DLGAP1: variants seen among roughly 807,000 people sequenced by gnomAD.
DLGAP1 encodes DLG associated protein 1, also known as disks large-associated protein 1.
In DLGAP1, 11 loss-of-function variants were observed where a neutral mutation model predicts 90.8. That is an observed-to-expected ratio of 0.12 (90% CI 0.08 to 0.20). The LOEUF is 0.20. Among genes scored for constraint, DLGAP1 ranks in the 10% least tolerant of loss-of-function variants. The pLI is 1.00. For synonymous variants in DLGAP1, 558 were observed against 540.7 expected (o/e 1.03, Z -0.44); for missense variants, 1,050 against 1,333.8 (o/e 0.79, Z 3.31).
intron 7 of DLGAP1, among the ~76,000 whole-genome samples, chr18:3,701,202 C>T (rs2061268637): frequency 6.6e-6 from 1 of 152,084 alleles, no homozygotes; most frequent in African/African-American, 2.4e-5. Context: ...TTTAAGTGTA[C>T]TAATGATCTC....
intron 1 of DLGAP1, among the ~76,000 whole-genome samples, chr18:4,316,796 C>G (rs1461086357): frequency 1.3e-5 from 2 of 152,136 alleles, no homozygotes; most frequent in Non-Finnish European, 2.9e-5. Flanking sequence ...TTCCTGAGTC[C>G]GGTTACTGAC....
intron 7 of DLGAP1, among the ~76,000 whole-genome samples, chr18:3,611,527 C>T (rs761346932): frequency 1.3e-5 from 2 of 152,144 alleles, no homozygotes; most frequent in East Asian, 1.9e-4. Flanking sequence ...CAAGGCCCCA[C>T]GAAGTCTTTC....
rs937186010 is a variant in DLGAP1, at chr18:3,727,682, T to A, written c.1591+1453A>T. The A allele has an allele frequency of 6.6e-6, 1 of 152,214 alleles. No individual in the cohort carries two copies. The highest frequency in any genetic ancestry group is 1.5e-5 in the Non-Finnish European group (1 of 68,036). The allele number at this position is 152,214 out of a possible 1,614,324, so 9.4% of individuals were successfully genotyped here. ...TTCCAAATCACACTTACTGCATGAA[T>A]GCAAACACATACAAACATGCTCATG... On this transcript the variant is annotated intron_variant, in intron 7 of 12. Transcript: ENST00000315677. This position sits in a 1 kb window ranked among gnomAD's most constrained non-coding sequence, Gnocchi z 4.7.
rs7244557 is a variant in DLGAP1 at position 3,808,533 on chromosome 18, G to A, written c.1172+5526C>T. 1.6e-3 allele frequency among the ~76,000 whole-genome samples: 250 copies of A among 152,176 alleles called. 1 individual carries two copies. Among genetic ancestry groups the A allele is most frequent in the African/African-American group, 5.9e-3 (244 of 41,506 alleles). Reference sequence around the variant, plus strand: ...TTGCTATTATACGTTACAATGATACGGAGGAACAGGTAGGAGAGGAACAAA... The same window carrying A: ...TTGCTATTATACGTTACAATGATACAGAGGAACAGGTAGGAGAGGAACAAA... On this transcript the variant is annotated intron_variant, in intron 5 of 12. Transcript: ENST00000315677.
intron 3 of DLGAP1, among the ~76,000 whole-genome samples, chr18:3,921,022 C>A (rs1441954180): frequency 2.0e-5 from 3 of 152,150 alleles, no homozygotes; most frequent in Non-Finnish European, 2.9e-5. Flanking sequence ...TTTATAATCA[C>A]AACATGGCCA....
chr18:4,288,900 G>A (rs1338553517), intron 1 of DLGAP1, among the ~76,000 whole-genome samples: 2 of 152,126 alleles, frequency 1.3e-5, no homozygotes, highest in Admixed American at 1.3e-4. Context: ...TGATGCTAGA[G>A]GGAGGTCTGT....
intron 4 of DLGAP1, among the ~76,000 whole-genome samples, chr18:3,846,332 T>TA (rs1276314325): frequency 6.6e-6 from 1 of 152,192 alleles, no homozygotes; most frequent in Non-Finnish European, 1.5e-5. Flanking sequence ...ACTGAATTAA[T>TA]AAAAGCACAG....
chr18:3,760,920 T>A (rs2063935902), intron 5 of DLGAP1, among the ~76,000 whole-genome samples: 2 of 152,204 alleles, frequency 1.3e-5, no homozygotes, highest in South Asian at 4.1e-4. Context: ...CACTGGTTCA[T>A]CAGTCTGAGT....
intron 4 of DLGAP1, among the ~76,000 whole-genome samples, chr18:3,867,775 GT>G (rs199718458): frequency 7.9e-5 from 12 of 151,560 alleles, no homozygotes; most frequent in South Asian, 2.1e-4. Flanking sequence ...AATAAAACTT[GT>G]TTTTTTTTAT....
chr18:4,260,598 A>G lies in DLGAP1; in HGVS notation c.-266-109311T>C, dbSNP rs144514490. 6.6e-4 allele frequency among the ~76,000 whole-genome samples: 101 copies of G among 152,288 alleles called. 1 individual carries two copies. In the East Asian group the frequency reaches 0.017, roughly 25 times the overall value. ...TATTAAATATAAATGAATATCTCAT[A>G]TGGCTAAATTGCTTTTATTATTTAA... On this transcript the variant is annotated intron_variant, in intron 1 of 12. Coordinates refer to ENST00000315677, the MANE Select transcript of DLGAP1 (RefSeq NM_004746.4).
At chr18:3,582,393 C>A in intron 7 of DLGAP1, 145 bp from the exon 8 acceptor site, 1 of 1,306,028 alleles carries the variant, frequency 7.7e-7, no homozygotes, top group Non-Finnish European at 1.0e-6. Context: ...CAGGCTGAGA[C>A]CCCTGCTCTC....
chr18:3,563,839 A>G (rs2145066317), intron 9 of DLGAP1, among the ~76,000 whole-genome samples: 1 of 152,228 alleles, frequency 6.6e-6, no homozygotes, highest in East Asian at 1.9e-4. Context: ...TATATCCTCA[A>G]GTTTAGACAT....
chr18:4,027,207 A>T (rs1418334819), intron 2 of DLGAP1, among the ~76,000 whole-genome samples: 1 of 152,012 alleles, frequency 6.6e-6, no homozygotes, highest in Non-Finnish European at 1.5e-5. Flanking sequence ...TTCCCCATTT[A>T]AAAATAGAAA....
In DLGAP1 at chr18:4,081,154, T is replaced by C. The variant is rs139590080; in HGVS notation, c.-159+70026A>G. On this transcript the variant is annotated intron_variant, in intron 2 of 12. Transcript: ENST00000315677. ...CCACCCGCCTCAGCCTCCCAAAGTG[T>C]TGGGATTAGAAGTGTGAGCCACTGT... Among the ~76,000 whole-genome samples the C allele has an allele frequency of 4.3e-3, 655 of 152,058 alleles. 6 individuals carry two copies. The highest frequency in any genetic ancestry group is 0.015 in the African/African-American group (625 of 41,514).
At chr18:3,672,892 TCTCCATCCC>T (rs1034090696) in intron 7 of DLGAP1, among the ~76,000 whole-genome samples, 1 of 152,154 alleles carries the variant, frequency 6.6e-6, no homozygotes, top group African/African-American at 2.4e-5. Flanking sequence ...TGTTCTTTCC[TCTCCATCCC>T]CAGTGCCATG....
intron 1 of DLGAP1, among the ~76,000 whole-genome samples, chr18:4,421,344 G>A (rs2083024248): frequency 6.6e-6 from 1 of 151,762 alleles, no homozygotes; most frequent in East Asian, 1.9e-4. Context: ...AAGGATACAT[G>A]CAATTACACT....
At chr18:3,527,896 G>A (rs760531201) in intron 10 of DLGAP1, among the ~76,000 whole-genome samples, 1 of 152,152 alleles carries the variant, frequency 6.6e-6, no homozygotes, top group Non-Finnish European at 1.5e-5. Flanking sequence ...CCCAGTGGGG[G>A]TATTTTAAAA....
At position 3,858,529 on chromosome 18, in the gene DLGAP1, C is replaced by CAT. The variant is rs773919562; in HGVS notation, c.957+20582_957+20583insAT. Among the ~76,000 whole-genome samples, 367 of 117,654 alleles carry CAT rather than the reference C, an allele frequency of 3.1e-3. 4 individuals are homozygous for CAT. The highest frequency in any genetic ancestry group is 0.025 in the East Asian group (116 of 4,708). 77.2% of individuals were successfully genotyped at this position (117,654 alleles called of 152,430 possible). On this transcript the variant is annotated intron_variant, in intron 4 of 12. Transcript: ENST00000315677. ...ATATATATACACGTATATATATATGCACACACACACACACACATATATATA... is the reference window on the plus strand; with the variant it reads ...ATATATATACACGTATATATATATGCATACACACACACACACACATATATATA...
At chr18:3,504,922 G>T (rs769911420) in intron 11 of DLGAP1, among the ~76,000 whole-genome samples, 5 of 152,156 alleles carry the variant, frequency 3.3e-5, no homozygotes, top group Non-Finnish European at 7.4e-5. Context: ...AGGGGAGAGT[G>T]GGGAGAGCCA....
Sources: allele counts gnomAD v4.1 joint callset (sites outside exome capture counted in the v4.1 genomes callset), GRCh38; gene constraint gnomAD v4.1.1; non-coding constraint Gnocchi (gnomAD v3.1); transcripts MANE v1.5; gene names NCBI Gene and HGNC (gene_info 2026-07-23, HGNC 2026-07-21).